Variants in CLOCK observed in about 807,000 individuals in gnomAD.
CLOCK encodes the protein circadian locomoter output cycles protein kaput.
In CLOCK, 43 loss-of-function variants were observed where a neutral mutation model predicts 118.4. That is an observed-to-expected ratio of 0.36 (90% CI 0.28 to 0.47). The LOEUF is 0.47. CLOCK is among the 20% of genes least tolerant of loss of function. The pLI is 1.00. For synonymous variants in CLOCK, 326 were observed against 339.2 expected, an observed-to-expected ratio of 0.96 and a Z score of 0.43; for missense variants, 846 against 999.9, an observed-to-expected ratio of 0.85 and a Z score of 2.08.
At chr4:55,519,046 A>AATTTT (rs1216305061) in intron 1 of CLOCK, among the ~76,000 whole-genome samples, 4 of 152,126 alleles carry the variant, frequency 2.6e-5, no homozygotes, top group East Asian at 1.9e-4. Flanking sequence ...CAAGTCCTGC[A>AATTTT]ATTTTATTTT....
chr4:55,429,231 G>T lies in CLOCK; in HGVS notation c.*6184C>A, dbSNP rs566313240. The T allele has an allele frequency of 6.6e-6, 1 of 152,232 alleles. No homozygotes were observed. Among genetic ancestry groups the T allele is most frequent in the South Asian group, 2.1e-4 (1 of 4,816 alleles). The allele number at this position is 152,232 out of a possible 1,614,324, so 9.4% of individuals were successfully genotyped here. A position where few individuals can be genotyped will look rare whatever the true frequency, so the allele number is the denominator to read the frequency against. ...AATTTAAAAGCTTTTATTTGAAAACGTATCTTCAGTTTAACCCTCAGAGTT... is the reference window on the plus strand; with the variant it reads ...AATTTAAAAGCTTTTATTTGAAAACTTATCTTCAGTTTAACCCTCAGAGTT... On this transcript the variant is annotated 3_prime_UTR_variant, in exon 23 of 23. Coordinates refer to ENST00000513440, the MANE Select transcript of CLOCK (RefSeq NM_004898.4).
At chr4:55,462,397 C>G (rs1725405934) in intron 9 of CLOCK, among the ~76,000 whole-genome samples, 1 of 152,130 alleles carries the variant, frequency 6.6e-6, no homozygotes, top group South Asian at 2.1e-4. Context: ...AGCAATTATC[C>G]TACCTTAGTC....
At chr4:55,480,857 C>A (rs1211661566) in intron 4 of CLOCK, among the ~76,000 whole-genome samples, 2 of 150,628 alleles carry the variant, frequency 1.3e-5, no homozygotes, top group African/African-American at 4.9e-5. Flanking sequence ...TACCACTGCA[C>A]TCCAGCCTGG....
At chr4:55,465,508 G>A (rs1445294844) in intron 8 of CLOCK, among the ~76,000 whole-genome samples, 1 of 152,172 alleles carries the variant, frequency 6.6e-6, no homozygotes. Context: ...CGTGCCTTGT[G>A]TTTAACAGTT....
chr4:55,505,226 A>G (rs1728724705), intron 2 of CLOCK, among the ~76,000 whole-genome samples: 1 of 152,014 alleles, frequency 6.6e-6, no homozygotes, highest in Non-Finnish European at 1.5e-5. Flanking sequence ...ACGCCACCAA[A>G]CAAAAAAATT....
intron 7 of CLOCK, among the ~76,000 whole-genome samples, chr4:55,472,167 T>G (rs1161124833): frequency 1.3e-5 from 2 of 151,874 alleles, no homozygotes; most frequent in Non-Finnish European, 2.9e-5. Context: ...AATGACAAAG[T>G]GAAGAGGAGA....
intron 1 of CLOCK, among the ~76,000 whole-genome samples, chr4:55,522,299 C>T (rs1729893396): frequency 6.6e-6 from 1 of 152,018 alleles, no homozygotes; most frequent in Non-Finnish European, 1.5e-5. Flanking sequence ...TGGCTTCATT[C>T]TAATTCAAAT....
At chr4:55,454,404 C>G (rs1724740496) in intron 13 of CLOCK, among the ~76,000 whole-genome samples, 1 of 151,902 alleles carries the variant, frequency 6.6e-6, no homozygotes, top group Non-Finnish European at 1.5e-5. Context: ...CACTTGAGGT[C>G]AGGAGTTTGA....
intron 21 of CLOCK, 35 bp from the exon 22 acceptor site, chr4:55,438,572 A>G (rs2109649471): frequency 6.2e-7 from 1 of 1,612,192 alleles, no homozygotes; most frequent in Non-Finnish European, 8.5e-7. Context: ...ATTGGAGTCC[A>G]AAGTACAAGG....
intron 1 of CLOCK, among the ~76,000 whole-genome samples, chr4:55,537,323 T>A (rs905304540): frequency 2.6e-5 from 4 of 151,700 alleles, no homozygotes; most frequent in African/African-American, 9.7e-5. Context: ...TCAGAAAAAA[T>A]TGTAATAAAC....
At chr4:55,435,664 C>T in intron 22 of CLOCK, 70 bp from the exon 23 acceptor site, 4 of 1,483,430 alleles carry the variant, frequency 2.7e-6, no homozygotes, top group African/African-American at 1.4e-5. Context: ...GTTACTCACA[C>T]TCTCCCCTGT....
rs770394503 is a variant in CLOCK, at chr4:55,476,085, C to T, written c.257-31G>A. 3.5e-6 allele frequency: 5 copies of T among 1,416,056 alleles called. No individual in the cohort carries two copies. In the Admixed American group the frequency reaches 6.7e-5, roughly 19 times the overall value. 87.7% of individuals were successfully genotyped at this position (1,416,056 alleles called of 1,614,324 possible). On this transcript the variant is annotated intron_variant, in intron 6 of 22. Transcript: ENST00000513440. Reference sequence around the variant, plus strand: ...AACAGATTGACATATTAGTGGCATACTCCAACCACCGGAGGAGTACAAAAG... The same window carrying T: ...AACAGATTGACATATTAGTGGCATATTCCAACCACCGGAGGAGTACAAAAG...
At chr4:55,477,115 G>A (rs1181740168) in intron 6 of CLOCK, among the ~76,000 whole-genome samples, 1 of 151,726 alleles carries the variant, frequency 6.6e-6, no homozygotes, top group Non-Finnish European at 1.5e-5. Flanking sequence ...ATCCAATCAA[G>A]TTTCATTAAA....
intron 17 of CLOCK, among the ~76,000 whole-genome samples, chr4:55,449,184 A>C (rs1724211934): frequency 6.8e-6 from 1 of 148,032 alleles, no homozygotes; most frequent in African/African-American, 2.5e-5. Flanking sequence ...AAAAAAAAAA[A>C]CTAACATTTT....
chr4:55,435,795 T>C (rs776427175), intron 22 of CLOCK, among the ~76,000 whole-genome samples: 8 of 152,210 alleles, frequency 5.3e-5, no homozygotes, highest in South Asian at 2.1e-4. Context: ...ATGAGAGAGT[T>C]TCATTTTTTA....
At position 55,444,768 on chromosome 4, in the gene CLOCK, T is replaced by G. The variant is rs756941305; in HGVS notation, c.1557A>C (p.Gln519His). ...CTTTCAGATGTTGCATGGCTCCTAA[T>G]TGAGCTGAAAACTGAAACTGAAGTA... ...QGMSQFQFSA[Q>H]LGAMQHLKDQ... Residue 519 changes from glutamine to histidine, a missense_variant, in exon 19 of 23, where the codon CAA (glutamine) becomes CAC (histidine). Transcript: ENST00000513440. 6.2e-7 allele frequency: 1 copy of G among 1,613,946 alleles called. No individual in the cohort carries two copies. The highest frequency in any genetic ancestry group is 1.7e-5 in the Admixed American group (1 of 60,004).
chr4:55,479,839 T>G (rs1223776296), intron 4 of CLOCK, 140 bp from the exon 5 acceptor site: 1 of 669,878 alleles, frequency 1.5e-6, no homozygotes, highest in East Asian at 2.7e-5. Context: ...CTAACCTATT[T>G]CCTAGTAAAC....
rs1724285852 is a variant in CLOCK at position 55,450,105 on chromosome 4, A to T, written c.1334T>A (p.Val445Asp). 1 of 1,613,980 alleles carries T rather than the reference A, an allele frequency of 6.2e-7. No homozygotes were observed. The highest frequency in any genetic ancestry group is 8.5e-7 in the Non-Finnish European group (1 of 1,179,998). Residue 445 changes from valine (V) to aspartate (D), a missense_variant, in exon 16 of 23, where the codon GTC becomes GAC. Physicochemically the swap from Val to Asp is radical, Grantham distance 152 (BLOSUM62 -3). Transcript: ENST00000513440. ...RSSRKSSHTA[V>D]SDPSSTPTKI... Reference sequence around the variant, plus strand: ...AGGGTACTCACAGGAAGGGTCTGAGACGGCCGTGTGAGATGATTTTCTTGA... The same window carrying T: ...AGGGTACTCACAGGAAGGGTCTGAGTCGGCCGTGTGAGATGATTTTCTTGA...
intron 20 of CLOCK, among the ~76,000 whole-genome samples, chr4:55,443,484 A>C (rs928793888): frequency 1.3e-5 from 2 of 151,958 alleles, no homozygotes; most frequent in Non-Finnish European, 2.9e-5. Flanking sequence ...TCAAAAAAAA[A>C]AAAAGAAAAA....
Sources: allele counts gnomAD v4.1 joint callset (sites outside exome capture counted in the v4.1 genomes callset), GRCh38; gene constraint gnomAD v4.1.1; transcripts MANE v1.5; gene names NCBI Gene and HGNC (gene_info 2026-07-23, HGNC 2026-07-21).